NRG3: variants seen among roughly 807,000 people sequenced by gnomAD.
NRG3 encodes pro-neuregulin-3, membrane-bound isoform.
NRG3 carries 31 observed loss-of-function variants against 66.9 expected under a neutral mutation model. That is an observed-to-expected ratio of 0.46 (90% CI 0.35 to 0.63). The LOEUF (loss-of-function observed/expected upper bound fraction) is 0.63, where lower values mean the gene tolerates loss of function less well. Among genes scored for constraint, NRG3 ranks in the 20% least tolerant of loss-of-function variants. NRG3 has a pLI of 0.00. For missense variants in NRG3, 910 were observed against 878.9 expected (o/e 1.04, Z -0.45); for synonymous variants, 393 against 359.4 (o/e 1.09, Z -1.06).
chr10:81,875,554 C>T lies in NRG3; in HGVS notation c.214C>T (p.Leu72=), dbSNP rs1282140658. 5 of 1,613,292 alleles carry T rather than the reference C, an allele frequency of 3.1e-6. No individual in the cohort carries two copies. The highest frequency in any genetic ancestry group is 1.7e-5 in the Admixed American group (1 of 60,010). The change falls in exon 1 of 9, where the codon CTG becomes TTG. Residue 72 remains leucine (L), a synonymous_variant. Coordinates refer to ENST00000372141, the MANE Select transcript of NRG3 (RefSeq NM_001010848.4). This position sits in a 1 kb window ranked among gnomAD's most constrained non-coding sequence, Gnocchi z 5.3. ...RQQTWLCVVP[L]FIGFIGLGLS... Reference sequence around the variant, plus strand: ...GCAGACGTGGCTGTGCGTGGTACCTCTGTTCATCGGCTTCATCGGCCTGGG... The same window carrying T: ...GCAGACGTGGCTGTGCGTGGTACCTTTGTTCATCGGCTTCATCGGCCTGGG...
intron 2 of NRG3, among the ~76,000 whole-genome samples, chr10:82,364,919 G>C (rs2084423503): frequency 6.6e-6 from 1 of 152,208 alleles, no homozygotes; most frequent in South Asian, 2.1e-4. Flanking sequence ...ATAGGAGTTG[G>C]GGAGTGGGGG....
At chr10:82,929,924 C>A (rs1451614349) in intron 4 of NRG3, among the ~76,000 whole-genome samples, 1 of 149,954 alleles carries the variant, frequency 6.7e-6, no homozygotes, top group East Asian at 2.0e-4. Context: ...TTATAATATA[C>A]AACACAAAGA....
At chr10:81,997,764 C>T (rs2060997376) in intron 1 of NRG3, among the ~76,000 whole-genome samples, 2 of 151,982 alleles carry the variant, frequency 1.3e-5, no homozygotes, top group South Asian at 4.2e-4. Flanking sequence ...AGTGCCATTG[C>T]TCTCTCCTAT....
chr10:82,642,130 A>C (rs2050623814), intron 2 of NRG3, among the ~76,000 whole-genome samples: 1 of 152,154 alleles, frequency 6.6e-6, no homozygotes, highest in Admixed American at 6.6e-5. Flanking sequence ...GTTTCACTTA[A>C]GATAATGGCC....
intron 2 of NRG3, among the ~76,000 whole-genome samples, chr10:82,508,513 A>G (rs1844883243): frequency 6.6e-6 from 1 of 152,216 alleles, no homozygotes; most frequent in African/African-American, 2.4e-5. Context: ...ATCCAAAATA[A>G]TAACTACAAA....
At chr10:82,739,241 A>G (rs1261688283) in intron 3 of NRG3, among the ~76,000 whole-genome samples, 1 of 152,188 alleles carries the variant, frequency 6.6e-6, no homozygotes, top group Non-Finnish European at 1.5e-5. Flanking sequence ...ATGGCTAGTC[A>G]TTAGTTTGTT....
intron 2 of NRG3, among the ~76,000 whole-genome samples, chr10:82,701,709 T>C (rs1405064052): frequency 6.6e-6 from 1 of 152,224 alleles, no homozygotes; most frequent in Non-Finnish European, 1.5e-5. Context: ...TTTACATTTG[T>C]TGAGCACTTG....
chr10:82,529,553 AC>A (rs1327454922), intron 2 of NRG3, among the ~76,000 whole-genome samples: 1 of 152,222 alleles, frequency 6.6e-6, no homozygotes, highest in Non-Finnish European at 1.5e-5. Context: ...TTTTAAATAA[AC>A]CTTTTTAGCA....
chr10:82,130,655 A>G (rs1241544762), intron 1 of NRG3, among the ~76,000 whole-genome samples: 1 of 152,044 alleles, frequency 6.6e-6, no homozygotes, highest in Non-Finnish European at 1.5e-5. Flanking sequence ...TTGCCTTCCT[A>G]CCACAAAGTA....
chr10:82,580,338 T>TC lies in NRG3; in HGVS notation c.954-158231dup, dbSNP rs565738960. ...AAATACAGAGTTCCTATATAATCAC[T>TC]CCCCCCCCACAGTTTCCACTATTAT... On this transcript the variant is annotated intron_variant, in intron 2 of 8. Coordinates refer to ENST00000372141, the MANE Select transcript of NRG3 (RefSeq NM_001010848.4). Among the ~76,000 whole-genome samples the TC allele has an allele frequency of 1.9e-3, 294 of 151,012 alleles. 1 individual carries two copies. Among genetic ancestry groups the TC allele is most frequent in the East Asian group, 7.6e-3 (39 of 5,128 alleles).
intron 1 of NRG3, among the ~76,000 whole-genome samples, chr10:81,890,091 T>C (rs1489350461): frequency 1.3e-5 from 2 of 152,196 alleles, no homozygotes; most frequent in African/African-American, 2.4e-5. Flanking sequence ...AACACAAAAA[T>C]GTTAACCCTA....
At chr10:81,887,977 ACAT>A (rs1196026350) in intron 1 of NRG3, among the ~76,000 whole-genome samples, 2 of 152,170 alleles carry the variant, frequency 1.3e-5, no homozygotes, top group African/African-American at 4.8e-5. Flanking sequence ...CTTTTTGTAT[ACAT>A]CAATACTAAC....
chr10:82,165,631 A>G (rs2071978714), intron 1 of NRG3, among the ~76,000 whole-genome samples: 3 of 151,936 alleles, frequency 2.0e-5, no homozygotes, highest in Admixed American at 1.3e-4. Flanking sequence ...TTTTTATCAT[A>G]AATATATTAC....
intron 3 of NRG3, among the ~76,000 whole-genome samples, chr10:82,753,357 T>C (rs944949687): frequency 1.3e-5 from 2 of 152,028 alleles, no homozygotes; most frequent in African/African-American, 4.8e-5. Flanking sequence ...GATTTTCTTA[T>C]TGATTTGTAG....
chr10:82,513,893 G>A (rs995412000), intron 2 of NRG3, among the ~76,000 whole-genome samples: 2 of 152,154 alleles, frequency 1.3e-5, no homozygotes, highest in Non-Finnish European at 2.9e-5. Context: ...CATGAGATGA[G>A]ATGGCATCTC....
chr10:82,740,072 T>C (rs1231924731), intron 3 of NRG3, among the ~76,000 whole-genome samples: 1 of 151,834 alleles, frequency 6.6e-6, no homozygotes, highest in African/African-American at 2.4e-5. Flanking sequence ...TTTTTCTGTT[T>C]TTATCCCTTC....
intron 3 of NRG3, among the ~76,000 whole-genome samples, chr10:82,836,263 A>AG (rs1360813306): frequency 2.6e-5 from 4 of 152,142 alleles, no homozygotes; most frequent in African/African-American, 9.7e-5. Context: ...CCTTTTATAA[A>AG]AAAAAATTGA....
At chr10:82,753,429 T>C (rs1419870023) in intron 3 of NRG3, among the ~76,000 whole-genome samples, 1 of 152,024 alleles carries the variant, frequency 6.6e-6, no homozygotes, top group Non-Finnish European at 1.5e-5. Context: ...AAGTAGTTTT[T>C]TTCTTTTGAT....
In NRG3 at chr10:82,912,818, TTA is replaced by T. The variant is rs149443326; in HGVS notation, c.1055-38649_1055-38648del. ...TTTATCTTCTCTGTTAGCATATCAA[TTA>T]TGTTTTCTAGATATATTTTGTTAGT... is the stretch of plus-strand genomic sequence containing the variant. On this transcript the variant is annotated intron_variant, in intron 4 of 8. Coordinates refer to ENST00000372141, the MANE Select transcript of NRG3 (RefSeq NM_001010848.4). 6.5e-3 allele frequency among the ~76,000 whole-genome samples: 983 copies of T among 152,320 alleles called. 6 individuals are homozygous for T. Among genetic ancestry groups the T allele is most frequent in the African/African-American group, 0.021 (883 of 41,570 alleles).
Sources: gnomAD v4.1 joint callset for allele counts (sites outside exome capture counted in the v4.1 genomes callset) on GRCh38, gnomAD v4.1.1 for gene constraint, Gnocchi (gnomAD v3.1) non-coding constraint, MANE v1.5 for transcripts, NCBI Gene and HGNC (gene_info 2026-07-23, HGNC 2026-07-21) for gene names.